MELTF: variants seen among roughly 807,000 people sequenced by gnomAD.
MELTF encodes the protein melanotransferrin, also known as antigen p97 (melanoma associated) identified by monoclonal antibodies 133.2 and 96.5.
In MELTF, 67 loss-of-function variants were observed where a neutral mutation model predicts 83.7. The ratio of observed to expected loss-of-function variants is 0.80; its 90% CI spans 0.66 to 0.98. MELTF has a LOEUF of 0.98. MELTF is among the 50% of genes least tolerant of loss of function. MELTF has a pLI of 0.00. For missense variants in MELTF, 1,002 were observed against 1,035.6 expected, an observed-to-expected ratio of 0.97 and a Z score of 0.44; for synonymous variants, 462 against 447.6, an observed-to-expected ratio of 1.03 and a Z score of -0.41.
In MELTF at chr3:197,008,895, A is replaced by T. The variant is rs772208094; in HGVS notation, c.1596T>A (p.Cys532Ter). The T allele has an allele frequency of 1.2e-6, 2 of 1,614,164 alleles. No individual in the cohort carries two copies. Among genetic ancestry groups the T allele is most frequent in the Non-Finnish European group, 1.7e-6 (2 of 1,180,012 alleles). ...CCTGCTCGTCCCCCACGCACAGTGC[A>T]CACAGCGAGGAGGGGTAGTTCTTGG... ...NNPKNYPSSLCALCVGDEQGR... is the reference protein window; with the variant it reads ...NNPKNYPSSL Residue 532 changes from cysteine (C) to a stop codon, truncating the protein, a stop_gained, in exon 12 of 16, where the codon TGT becomes TGA. Coordinates refer to ENST00000296350, the MANE Select transcript of MELTF (RefSeq NM_005929.6). LOFTEE classifies it high-confidence loss of function. This position sits in a 1 kb window ranked among gnomAD's most constrained non-coding sequence, Gnocchi z 5.4.
intron 9 of MELTF, among the ~76,000 whole-genome samples, chr3:197,014,382 A>ATTTT (rs1719284653): frequency 1.0e-5 from 1 of 98,392 alleles, no homozygotes; most frequent in African/African-American, 4.5e-5. Flanking sequence ...GAATAGGGAG[A>ATTTT]GTTTTTTTTT....
chr3:197,003,445 G>C lies in MELTF; in HGVS notation c.2144C>G (p.Pro715Arg). The part of the protein sequence containing the change: ...SSQQCSGAAA[P>R]APGAPLLPLL... The stretch of plus-strand genomic sequence containing the variant: ...CGGGAGCAGGGGCGCCCCGGGCGCC[G>C]GGGCCGCTGGGGACGAACGCGGCGG... The change falls in exon 16 of 16, where the codon CCG (proline) becomes CGG (arginine). Residue 715 changes from proline to arginine, a missense_variant. Coordinates refer to ENST00000296350, the MANE Select transcript of MELTF (RefSeq NM_005929.6). This position sits in a 1 kb window ranked among gnomAD's most constrained non-coding sequence, Gnocchi z 6.2. 2 of 1,110,278 alleles carry C rather than the reference G, an allele frequency of 1.8e-6. No individual in the cohort carries two copies. Among genetic ancestry groups the C allele is most frequent in the South Asian group, 8.6e-5 (2 of 23,244 alleles). The allele number at this position is 1,110,278 out of a possible 1,614,324, so 68.8% of individuals were successfully genotyped here.
chr3:197,005,883 T>TA (rs1222584396), intron 14 of MELTF, among the ~76,000 whole-genome samples: 10 of 152,160 alleles, frequency 6.6e-5, no homozygotes, highest in Non-Finnish European at 8.8e-5. Flanking sequence ...GAGGACTTGT[T>TA]AACTCCAGAG....
chr3:197,010,516 G>A (rs915114297), intron 10 of MELTF, among the ~76,000 whole-genome samples, 182 bp downstream of exon 10: 4 of 152,228 alleles, frequency 2.6e-5, no homozygotes, highest in Non-Finnish European at 2.9e-5. Context: ...CCTTAGAGAC[G>A]TTTGTTGAAT....
At chr3:197,019,816 A>C (rs1161340604) in intron 6 of MELTF, 2 of 1,563,796 alleles carry the variant, frequency 1.3e-6, no homozygotes, top group Admixed American at 1.8e-5. Flanking sequence ...TTTAAAAGGC[A>C]ATGGTTAATA....
Position 197,003,271 on chromosome 3 carries a change from G to C in MELTF, c.*101C>G. The C allele has an allele frequency of 5.0e-6, 5 of 991,296 alleles. No homozygotes were observed. Among genetic ancestry groups the C allele is most frequent in the Non-Finnish European group, 4.8e-6 (4 of 835,386 alleles). The allele number at this position is 991,296 out of a possible 1,614,324, so 61.4% of individuals were successfully genotyped here. On this transcript the variant is annotated 3_prime_UTR_variant, in exon 16 of 16. Coordinates refer to ENST00000296350, the MANE Select transcript of MELTF (RefSeq NM_005929.6). The surrounding 1 kb of genome is among the most constrained non-coding windows in gnomAD (Gnocchi z 6.2). ...CGGGGAGGCGCCTGCTCCCGCCCAC[G>C]CCGGGCCCGGCCTTCGCGAGCTTCC... is the stretch of plus-strand genomic sequence containing the variant.
rs541077572 is a variant in MELTF at position 197,011,590 on chromosome 3, C to T, written c.1234-796G>A. 7.9e-5 allele frequency among the ~76,000 whole-genome samples: 12 copies of T among 152,286 alleles called. No individual in the cohort carries two copies. The highest frequency in any genetic ancestry group is 4.2e-4 in the South Asian group (2 of 4,818). ...AGTGATGGCGGTTAATAACAGGCAG[C>T]GGCGTTGATATTTGGGGCCAGGAGG... On this transcript the variant is annotated intron_variant, in intron 9 of 15. Coordinates refer to ENST00000296350, the MANE Select transcript of MELTF (RefSeq NM_005929.6). The surrounding 1 kb of genome is among the most constrained non-coding windows in gnomAD (Gnocchi z 4.2).
intron 3 of MELTF, among the ~76,000 whole-genome samples, chr3:197,025,035 A>C (rs1719796748): frequency 1.3e-5 from 2 of 152,326 alleles, no homozygotes; most frequent in South Asian, 4.1e-4. Context: ...TGTGGCCCCA[A>C]GTCGCTCACG....
At chr3:197,027,016 AAATC>A (rs1719884798) in intron 2 of MELTF, 1 of 492,934 alleles carries the variant, frequency 2.0e-6, no homozygotes, top group African/African-American at 1.9e-5. Context: ...CATAGTAAAA[AAATC>A]AGATAGCAGA....
intron 6 of MELTF, chr3:197,019,863 AATC>A (rs1719551283): frequency 6.7e-7 from 1 of 1,503,732 alleles, no homozygotes. Context: ...AAAAAAACCC[AATC>A]ATCAGACGTC....
At chr3:197,020,776 C>T (rs753373716) in intron 6 of MELTF, among the ~76,000 whole-genome samples, 1 of 151,936 alleles carries the variant, frequency 6.6e-6, no homozygotes, top group Non-Finnish European at 1.5e-5. Flanking sequence ...TCAAGCAATT[C>T]CCCTGCCTCA....
At chr3:197,004,266 T>A in intron 14 of MELTF, 167 bp from the exon 15 acceptor site, 2 of 696,652 alleles carry the variant, frequency 2.9e-6, no homozygotes, top group Non-Finnish European at 5.0e-6. Flanking sequence ...CTGATTGGCC[T>A]CTGTCACCCA....
intron 9 of MELTF, among the ~76,000 whole-genome samples, chr3:197,013,653 C>G (rs919139322): frequency 4.6e-5 from 7 of 152,198 alleles, no homozygotes; most frequent in African/African-American, 1.7e-4. Flanking sequence ...CCAGAATACA[C>G]ATGCAACGGA....
chr3:197,017,608 TG>T (rs1181396748), intron 6 of MELTF, among the ~76,000 whole-genome samples: 3 of 152,216 alleles, frequency 2.0e-5, no homozygotes, highest in Non-Finnish European at 4.4e-5. Context: ...CCGGGCGTGG[TG>T]GCTCACGCCT....
intron 6 of MELTF, among the ~76,000 whole-genome samples, chr3:197,020,334 C>T (rs955342763): frequency 6.6e-6 from 1 of 152,186 alleles, no homozygotes; most frequent in Non-Finnish European, 1.5e-5. Context: ...GCAATATCGG[C>T]TATAGACTGG....
At position 197,029,600 on chromosome 3, in the gene MELTF, G is replaced by A. The variant is rs755221306; in HGVS notation, c.49+54C>T. 622 of 1,226,326 alleles carry A rather than the reference G, an allele frequency of 5.1e-4. No homozygotes were observed. Among genetic ancestry groups the A allele is most frequent in the Non-Finnish European group, 5.9e-4 (575 of 980,336 alleles). The allele number at this position is 1,226,326 out of a possible 1,614,324, so 76.0% of individuals were successfully genotyped here. A position where few individuals can be genotyped will look rare whatever the true frequency, so the allele number is the denominator to read the frequency against. On this transcript the variant is annotated intron_variant, in intron 1 of 15. Transcript: ENST00000296350. This position sits in a 1 kb window ranked among gnomAD's most constrained non-coding sequence, Gnocchi z 6.5. ...CCAGCCCCGGGACCTGCTCAGCCGG[G>A]CCGCGGCGCCCCGGGACCCCCGCCC...
In MELTF at chr3:197,024,182, C is replaced by T. The variant is rs926952017; in HGVS notation, c.487+121G>A. 21 of 1,153,602 alleles carry T rather than the reference C, an allele frequency of 1.8e-5. No homozygotes were observed. In the Admixed American group the frequency reaches 3.5e-4, roughly 19 times the overall value. The allele number at this position is 1,153,602 out of a possible 1,614,324, so 71.5% of individuals were successfully genotyped here. A position where few individuals can be genotyped will look rare whatever the true frequency, so the allele number is the denominator to read the frequency against. ...CACGGGGCGGGCGGGGGCTGCTGCG[C>T]CTTCCAGGAATGAAGAATGGTGGCG... On this transcript the variant is annotated intron_variant, in intron 4 of 15. Transcript: ENST00000296350. The surrounding 1 kb of genome is among the most constrained non-coding windows in gnomAD (Gnocchi z 5.3).
At chr3:197,019,580 A>AC in intron 6 of MELTF, 1 of 1,583,148 alleles carries the variant, frequency 6.3e-7, no homozygotes, top group Non-Finnish European at 8.7e-7. Flanking sequence ...CTCAAAAAAA[A>AC]CCCCAAGTTT....
Position 197,007,588 on chromosome 3 carries a change from G to A in MELTF, c.1751-852C>T, listed in dbSNP as rs746613449. ...CACAGATCTGGGACCAGGCAGGCCC[G>A]CTGGGCTCGTGCAGGAGCACACAGC... On this transcript the variant is annotated intron_variant, in intron 13 of 15. Transcript: ENST00000296350. The surrounding 1 kb of genome is among the most constrained non-coding windows in gnomAD (Gnocchi z 4.3). Among the ~76,000 whole-genome samples, 3 of 152,196 alleles carry A rather than the reference G, an allele frequency of 2.0e-5. No individual in the cohort carries two copies. The highest frequency in any genetic ancestry group is 4.4e-5 in the Non-Finnish European group (3 of 68,040).
Sources: gnomAD v4.1 joint callset for allele counts (sites outside exome capture counted in the v4.1 genomes callset) on GRCh38, gnomAD v4.1.1 for gene constraint, Gnocchi (gnomAD v3.1) non-coding constraint, MANE v1.5 for transcripts, NCBI Gene and HGNC (gene_info 2026-07-23, HGNC 2026-07-21) for gene names.